ADAM28: variants seen among roughly 807,000 people sequenced by gnomAD.
The protein encoded by ADAM28 is disintegrin and metalloproteinase domain-containing protein 28.
A neutral mutation model predicts 101.2 loss-of-function variants in ADAM28; 105 were observed. That is an observed-to-expected ratio of 1.04 (90% CI 0.89 to 1.22). The LOEUF (loss-of-function observed/expected upper bound fraction) is 1.22, where lower values mean the gene tolerates loss of function less well. Among genes scored for constraint, ADAM28 ranks in the 50% most tolerant of loss-of-function variants. The pLI is 0.00. For synonymous variants in ADAM28, 322 were observed against 310.6 expected (o/e 1.04, Z -0.39); for missense variants, 1,028 against 945.4 (o/e 1.09, Z -1.15).
chr8:24,349,872 A>G lies in ADAM28; in HGVS notation c.1999A>G (p.Ile667Val). 2 of 1,613,564 alleles carry G rather than the reference A, an allele frequency of 1.2e-6. No homozygotes were observed. The highest frequency in any genetic ancestry group is 2.2e-5 in the East Asian group (1 of 44,810). ...DDSSVVFHFS[I>V]VVGVLFPMAV... ...CCTGTTCTCTGCTGCAGACTTCTCC[A>G]TTGTGGTTGGGGTGCTGTTCCCAAT... Residue 667 changes from isoleucine (I) to valine (V), a missense_variant, in exon 19 of 23, where the codon ATT becomes GTT. By Grantham distance (29) the Ile-to-Val change is conservative (BLOSUM62 3). Transcript: ENST00000265769.
At chr8:24,334,635 T>G (rs1417009194) in intron 13 of ADAM28, among the ~76,000 whole-genome samples, 1 of 152,210 alleles carries the variant, frequency 6.6e-6, no homozygotes, top group African/African-American at 2.4e-5. Flanking sequence ...GAGCTTTGGG[T>G]TGAATTTGTA....
chr8:24,317,832 G>A (rs538166065), intron 6 of ADAM28, among the ~76,000 whole-genome samples: 1 of 152,064 alleles, frequency 6.6e-6, no homozygotes, highest in Non-Finnish European at 1.5e-5. Flanking sequence ...AGGAAATGGG[G>A]AGATTCGGGT....
intron 2 of ADAM28, among the ~76,000 whole-genome samples, chr8:24,304,046 CAT>C (rs912420382): frequency 4.0e-5 from 6 of 151,780 alleles, no homozygotes; most frequent in Non-Finnish European, 5.9e-5. Context: ...CACACACACA[CAT>C]GCACGTGCAC....
At chr8:24,343,406 G>C in intron 17 of ADAM28, 100 bp from the exon 18 acceptor site, 1 of 1,238,872 alleles carries the variant, frequency 8.1e-7, no homozygotes, top group Non-Finnish European at 1.2e-6. Flanking sequence ...CTGGAGACTG[G>C]GGTTATTCCT....
chr8:24,328,589 C>T (rs1047963475), intron 10 of ADAM28, among the ~76,000 whole-genome samples: 1 of 151,890 alleles, frequency 6.6e-6, no homozygotes, highest in Admixed American at 6.6e-5. Context: ...AAGTAAAAAC[C>T]ATTCTAGGAA....
chr8:24,311,310 C>A (rs192393837), intron 4 of ADAM28, 51 bp from the exon 5 acceptor site: 2 of 1,427,180 alleles, frequency 1.4e-6, no homozygotes, highest in Non-Finnish European at 1.9e-6. Context: ...GCTTTAGCAG[C>A]GGTGCTAAAA....
At chr8:24,320,168 T>C in intron 6 of ADAM28, 68 bp from the exon 7 acceptor site, 1 of 1,145,888 alleles carries the variant, frequency 8.7e-7, no homozygotes, top group Non-Finnish European at 1.3e-6. Context: ...AAATTACAGA[T>C]GTCAAATAAT....
intron 14 of ADAM28, 95 bp downstream of exon 14, chr8:24,335,736 C>A: frequency 7.5e-7 from 1 of 1,333,430 alleles, no homozygotes; most frequent in South Asian, 2.4e-5. Flanking sequence ...TCTGTCCTAT[C>A]CTTCTTAGAA....
chr8:24,351,278 C>T lies in ADAM28; in HGVS notation c.2146C>T (p.Pro716Ser), dbSNP rs748456892. The change falls in exon 20 of 23, where the codon CCC becomes TCC. Residue 716 changes from proline (P) to serine (S), a missense_variant. Coordinates refer to ENST00000265769, the MANE Select transcript of ADAM28 (RefSeq NM_014265.6). ...GTRPHKQKRK[P>S]QMVKAVQPQE... ...CAGGCCACACAAACAGAAGAGGAAACCCCAGATGGTAAAGGCTGTTCAACC... is the reference window on the plus strand; with the variant it reads ...CAGGCCACACAAACAGAAGAGGAAATCCCAGATGGTAAAGGCTGTTCAACC... 2.4e-5 allele frequency: 38 copies of T among 1,612,184 alleles called. No individual in the cohort carries two copies. Among genetic ancestry groups the T allele is most frequent in the Non-Finnish European group, 3.1e-5 (37 of 1,179,236 alleles).
chr8:24,314,272 T>C (rs1256592461), intron 6 of ADAM28, among the ~76,000 whole-genome samples: 1 of 152,128 alleles, frequency 6.6e-6, no homozygotes, highest in African/African-American at 2.4e-5. Flanking sequence ...CATAAATTCA[T>C]TCAACAAATC....
At chr8:24,327,050 A>G (rs534820296) in intron 10 of ADAM28, among the ~76,000 whole-genome samples, 2 of 152,246 alleles carry the variant, frequency 1.3e-5, no homozygotes, top group East Asian at 1.9e-4. Flanking sequence ...GGCCAGGGCA[A>G]TCAGGCAAGA....
rs1434873148 is a variant in ADAM28 at position 24,330,104 on chromosome 8, C to G, written c.1092C>G (p.Asp364Glu). Reference sequence around the variant, plus strand: ...GTCCTTCTACAATATGTGTGATGGACAAAGCACTGAGGTGAGGCTCTCTGG... The same window carrying G: ...GTCCTTCTACAATATGTGTGATGGAGAAAGCACTGAGGTGAGGCTCTCTGG... Reference protein sequence around the residue: ...CKCPSTICVMDKALSFYIPTD... With the variant: ...CKCPSTICVMEKALSFYIPTD... Residue 364 changes from aspartate (D) to glutamate (E), a missense_variant, in exon 11 of 23, where the codon GAC becomes GAG. Asp to Glu is a conservative substitution (Grantham distance 45). Coordinates refer to ENST00000265769, the MANE Select transcript of ADAM28 (RefSeq NM_014265.6). 1 of 1,613,178 alleles carries G rather than the reference C, an allele frequency of 6.2e-7. No homozygotes were observed. The highest frequency in any genetic ancestry group is 8.5e-7 in the Non-Finnish European group (1 of 1,179,486).
chr8:24,342,098 T>G (rs1351105014), intron 16 of ADAM28, among the ~76,000 whole-genome samples: 1 of 152,182 alleles, frequency 6.6e-6, no homozygotes, highest in Non-Finnish European at 1.5e-5. Flanking sequence ...GTCTGAAAAC[T>G]CACTGAAAGT....
rs532138099 is a variant in ADAM28, at chr8:24,328,687, G to A, written c.973-1298G>A. 8.5e-5 allele frequency among the ~76,000 whole-genome samples: 13 copies of A among 152,116 alleles called. No homozygotes were observed. The East Asian group carries it at 2.1e-3, about 25-fold the overall frequency. Reference sequence around the variant, plus strand: ...CTCAGCCTGTAATCCCAGCACTTTCGAAGGCCAAGGCAGGTGGATCACCTG... The same window carrying A: ...CTCAGCCTGTAATCCCAGCACTTTCAAAGGCCAAGGCAGGTGGATCACCTG... On this transcript the variant is annotated intron_variant, in intron 10 of 22. Coordinates refer to ENST00000265769, the MANE Select transcript of ADAM28 (RefSeq NM_014265.6).
rs370752349 is a variant in ADAM28, at chr8:24,313,483, C to G, written c.479C>G (p.Pro160Arg). ...GAGCATGCACTCTTCAAGTATAACC[C>G]TGATGAAAAGAATTATGACAGCACC... The part of the protein sequence containing the change: ...GQEHALFKYN[P>R]DEKNYDSTCG... The change falls in exon 6 of 23, where the codon CCT (proline) becomes CGT (arginine). Residue 160 changes from proline (P) to arginine (R), a missense_variant. By Grantham distance (103) the Pro-to-Arg change is moderately radical. Coordinates refer to ENST00000265769, the MANE Select transcript of ADAM28 (RefSeq NM_014265.6). 131 of 1,613,724 alleles carry G rather than the reference C, an allele frequency of 8.1e-5. No homozygotes were observed. The Middle Eastern group carries it at 1.8e-3, about 22-fold the overall frequency.
intron 2 of ADAM28, among the ~76,000 whole-genome samples, chr8:24,307,840 C>T (rs996287892): frequency 5.3e-5 from 8 of 152,194 alleles, no homozygotes; most frequent in Non-Finnish European, 1.2e-4. Context: ...CAATTCCTCC[C>T]TCAGATTGAG....
At chr8:24,306,404 A>G (rs1376931078) in intron 2 of ADAM28, among the ~76,000 whole-genome samples, 1 of 144,866 alleles carries the variant, frequency 6.9e-6, no homozygotes, top group South Asian at 2.1e-4. Flanking sequence ...ATATATATAT[A>G]TGTTCCACAC....
At chr8:24,332,898 C>A in intron 13 of ADAM28, 149 bp downstream of exon 13, 1 of 411,494 alleles carries the variant, frequency 2.4e-6, no homozygotes. Flanking sequence ...ACTCAGTGTT[C>A]TACACACATG....
At chr8:24,314,560 A>G (rs1373103529) in intron 6 of ADAM28, among the ~76,000 whole-genome samples, 3 of 152,076 alleles carry the variant, frequency 2.0e-5, no homozygotes, top group African/African-American at 7.2e-5. Flanking sequence ...AAAGGGTATA[A>G]TTGGTCTAAA....
Sources: allele counts gnomAD v4.1 joint callset (sites outside exome capture counted in the v4.1 genomes callset), GRCh38; gene constraint gnomAD v4.1.1; transcripts MANE v1.5; gene names NCBI Gene and HGNC (gene_info 2026-07-23, HGNC 2026-07-21).